KCNQ1OT1: variants seen among roughly 807,000 people sequenced by gnomAD.
The protein encoded by KCNQ1OT1 is KCNQ1 antisense RNA 2 (non-protein coding).
exon 1 of KCNQ1OT1, chr11:2,665,675 G>A (rs533811797): frequency 1.5e-4 from 58 of 397,676 alleles, no homozygotes; most frequent in African/African-American, 1.1e-3. Flanking sequence ...TAAGCCTTTC[G>A]AATGGTGCCA....
exon 1 of KCNQ1OT1, chr11:2,697,577 A>G: frequency 5.0e-6 from 2 of 398,584 alleles, no homozygotes; most frequent in Non-Finnish European, 8.8e-6. Context: ...CCAAAATCAC[A>G]CATAGGCGTT....
exon 1 of KCNQ1OT1, chr11:2,688,462 A>C (rs1249748871): frequency 2.5e-6 from 1 of 398,598 alleles, no homozygotes; most frequent in Non-Finnish European, 4.4e-6. Flanking sequence ...TCACAGGAGA[A>C]CACCACACTG....
chr11:2,640,515 G>A (rs1849556408), exon 1 of KCNQ1OT1: 1 of 397,670 alleles, frequency 2.5e-6, no homozygotes, highest in Non-Finnish European at 4.4e-6. Flanking sequence ...TGAATTCCTG[G>A]GCTCAAGCGA....
chr11:2,693,147 A>G (rs772572769), exon 1 of KCNQ1OT1: 1 of 398,468 alleles, frequency 2.5e-6, no homozygotes, highest in African/African-American at 2.1e-5. Flanking sequence ...GATAGCCCTC[A>G]GTCTACACTC....
Position 2,647,042 on chromosome 11 carries a change from G to C in KCNQ1OT1, n.52953C>G, listed in dbSNP as rs1306407983. 2.5e-6 allele frequency: 1 copy of C among 398,440 alleles called. No individual in the cohort carries two copies. Among genetic ancestry groups the C allele is most frequent in the East Asian group, 3.6e-5 (1 of 28,080 alleles). The allele number at this position is 398,440 out of a possible 1,614,324, so 24.7% of individuals were successfully genotyped here. Reference sequence around the variant, plus strand: ...ACTCTGCTGAATAAGAATAGTGAAAGTGGGCATCCTTGTCTTGTTCTAGTT... The same window carrying C: ...ACTCTGCTGAATAAGAATAGTGAAACTGGGCATCCTTGTCTTGTTCTAGTT... On this transcript the variant is annotated non_coding_transcript_exon_variant, in exon 1 of 1. Transcript: ENST00000597346. The surrounding 1 kb of genome is among the most constrained non-coding windows in gnomAD (Gnocchi z 4.0).
At chr11:2,667,508 G>A (rs1037668946) in exon 1 of KCNQ1OT1, 4 of 398,122 alleles carry the variant, frequency 1.0e-5, no homozygotes, top group African/African-American at 6.2e-5. Context: ...CACAGAGGTG[G>A]CTGGAGGGCA....
rs1408466303 is a variant in KCNQ1OT1, at chr11:2,629,578, T to G, written n.70417A>C. ...ATCCAGTTTTCCTGGCACCATTTGT[T>G]GAAAAGAGAATCCATTTGCCATTGA... On this transcript the variant is annotated non_coding_transcript_exon_variant, in exon 1 of 1. Transcript: ENST00000597346. The G allele has an allele frequency of 7.3e-5, 29 of 398,378 alleles. No homozygotes were observed. In the Admixed American group the frequency reaches 1.2e-3, roughly 17 times the overall value. 24.7% of individuals were successfully genotyped at this position (398,378 alleles called of 1,614,324 possible).
At chr11:2,641,071 T>G (rs1161318718) in exon 1 of KCNQ1OT1, 2 of 398,430 alleles carry the variant, frequency 5.0e-6, no homozygotes, top group Non-Finnish European at 8.8e-6. Context: ...TCCACTGATG[T>G]ACACTTAGGT....
chr11:2,638,887 A>G (rs1354640759), exon 1 of KCNQ1OT1: 2 of 152,146 alleles, frequency 1.3e-5, no homozygotes, highest in African/African-American at 2.4e-5. Context: ...ACATAGTCCC[A>G]TATTTCTTGG....
exon 1 of KCNQ1OT1, chr11:2,697,016 G>T: frequency 2.5e-6 from 1 of 398,300 alleles, no homozygotes; most frequent in Non-Finnish European, 4.4e-6. Flanking sequence ...GTAGTCTGGG[G>T]ATTCCAGAGA....
chr11:2,658,741 A>G lies in KCNQ1OT1; in HGVS notation n.41254T>C. 2.5e-6 allele frequency: 1 copy of G among 398,586 alleles called. No individual in the cohort carries two copies. The allele number at this position is 398,586 out of a possible 1,614,324, so 24.7% of individuals were successfully genotyped here. A position where few individuals can be genotyped will look rare whatever the true frequency, so the allele number is the denominator to read the frequency against. On this transcript the variant is annotated non_coding_transcript_exon_variant, in exon 1 of 1. Coordinates refer to ENST00000597346, the Ensembl canonical transcript of KCNQ1OT1. The surrounding 1 kb of genome is among the most constrained non-coding windows in gnomAD (Gnocchi z 4.9). ...CATACATCTTTACATATCTGTATCTATATAAAGCTAACCATGAGTTCATAC... is the reference window on the plus strand; with the variant it reads ...CATACATCTTTACATATCTGTATCTGTATAAAGCTAACCATGAGTTCATAC...
At position 2,698,494 on chromosome 11, in the gene KCNQ1OT1, A is replaced by G; in HGVS notation, n.1501T>C. The G allele has an allele frequency of 2.5e-6, 1 of 398,520 alleles. No homozygotes were observed. The highest frequency in any genetic ancestry group is 4.4e-6 in the Non-Finnish European group (1 of 226,052). 24.7% of individuals were successfully genotyped at this position (398,520 alleles called of 1,614,324 possible). On this transcript the variant is annotated non_coding_transcript_exon_variant, in exon 1 of 1. Coordinates refer to ENST00000597346, the Ensembl canonical transcript of KCNQ1OT1. The surrounding 1 kb of genome is among the most constrained non-coding windows in gnomAD (Gnocchi z 5.1). ...CCAATATGACCAAGAGACTTCTACCACTACCTCTCACCTGGCAGGTGATCA... is the reference window on the plus strand; with the variant it reads ...CCAATATGACCAAGAGACTTCTACCGCTACCTCTCACCTGGCAGGTGATCA...
rs1850343171 is a variant in KCNQ1OT1 at position 2,679,069 on chromosome 11, C to A, written n.20926G>T. ...CCATACCAACCACCAAAAAAACCCA[C>A]TAACACCATAAAGTGTCATAGCTAG... On this transcript the variant is annotated non_coding_transcript_exon_variant, in exon 1 of 1. Transcript: ENST00000597346. The surrounding 1 kb of genome is among the most constrained non-coding windows in gnomAD (Gnocchi z 4.8). 1 of 398,674 alleles carries A rather than the reference C, an allele frequency of 2.5e-6. No homozygotes were observed. The highest frequency in any genetic ancestry group is 4.4e-5 in the Admixed American group (1 of 22,738). The allele number at this position is 398,674 out of a possible 1,614,324, so 24.7% of individuals were successfully genotyped here.
At chr11:2,655,506 C>T (rs1475275787) in exon 1 of KCNQ1OT1, 2 of 398,522 alleles carry the variant, frequency 5.0e-6, no homozygotes, top group African/African-American at 2.1e-5. Context: ...GATGAACTGC[C>T]CTTTCAAGTA....
In KCNQ1OT1 at chr11:2,652,362, G is replaced by C. The variant is rs1438229053; in HGVS notation, n.47633C>G. 1.3e-5 allele frequency: 5 copies of C among 398,542 alleles called. No homozygotes were observed. The highest frequency in any genetic ancestry group is 2.2e-5 in the Non-Finnish European group (5 of 226,086). 24.7% of individuals were successfully genotyped at this position (398,542 alleles called of 1,614,324 possible). On this transcript the variant is annotated non_coding_transcript_exon_variant, in exon 1 of 1. Transcript: ENST00000597346. The surrounding 1 kb of genome is among the most constrained non-coding windows in gnomAD (Gnocchi z 5.9). ...ACATTTCCGCGATGTTGTGATGAAG[G>C]TGAAAAGATCGCTCTTAATTAGATT...
exon 1 of KCNQ1OT1, chr11:2,638,593 T>A (rs1324278743): frequency 6.6e-6 from 1 of 152,250 alleles, no homozygotes; most frequent in Non-Finnish European, 1.5e-5. Flanking sequence ...CCTTTCTCTC[T>A]GGCTGCCCTT....
chr11:2,677,163 C>A lies in KCNQ1OT1; in HGVS notation n.22832G>T, dbSNP rs1590025766. The A allele has an allele frequency of 2.5e-6, 1 of 398,562 alleles. No homozygotes were observed. Among genetic ancestry groups the A allele is most frequent in the Middle Eastern group, 6.3e-4 (1 of 1,588 alleles). 24.7% of individuals were successfully genotyped at this position (398,562 alleles called of 1,614,324 possible). On this transcript the variant is annotated non_coding_transcript_exon_variant, in exon 1 of 1. Transcript: ENST00000597346. This position sits in a 1 kb window ranked among gnomAD's most constrained non-coding sequence, Gnocchi z 4.5. Reference sequence around the variant, plus strand: ...TTGAACACTGTTGTTTCTCCCTATCCATCTTATCCCTACTTGTATCTCTGC... The same window carrying A: ...TTGAACACTGTTGTTTCTCCCTATCAATCTTATCCCTACTTGTATCTCTGC...
chr11:2,630,286 T>C, exon 1 of KCNQ1OT1: 1 of 398,326 alleles, frequency 2.5e-6, no homozygotes, highest in Non-Finnish European at 4.4e-6. Context: ...TATGATTTTT[T>C]TAATGTGCTG....
exon 1 of KCNQ1OT1, chr11:2,666,257 G>A: frequency 2.5e-6 from 1 of 398,676 alleles, no homozygotes; most frequent in Non-Finnish European, 4.4e-6. Flanking sequence ...GGGAGGACCA[G>A]GACCCCCGAG....
Sources: allele counts gnomAD v4.1 joint callset, GRCh38; gene constraint gnomAD v4.1.1; non-coding constraint Gnocchi (gnomAD v3.1); transcripts MANE v1.5; gene names NCBI Gene and HGNC (gene_info 2026-07-23, HGNC 2026-07-21).